GSTCD: variants seen among roughly 807,000 people sequenced by gnomAD.
GSTCD encodes the protein glutathione S-transferase C-terminal domain containing.
A neutral mutation model predicts 68.3 loss-of-function variants in GSTCD; 44 were observed. The ratio of observed to expected loss-of-function variants is 0.64; its 90% CI spans 0.51 to 0.83. The LOEUF is 0.83. Ranked by LOEUF, GSTCD falls within the 40% of genes least tolerant of loss-of-function variation. The pLI is 0.00. For synonymous variants in GSTCD, 273 were observed against 255.2 expected, an observed-to-expected ratio of 1.07 and a Z score of -0.67; for missense variants, 739 against 735.9, an observed-to-expected ratio of 1.00 and a Z score of -0.05.
At position 105,839,735 on chromosome 4, in the gene GSTCD, CTA is replaced by C. The variant is rs957562183; in HGVS notation, c.1695+1847_1695+1848del. Among the ~76,000 whole-genome samples, 8 of 152,248 alleles carry C rather than the reference CTA, an allele frequency of 5.3e-5. No homozygotes were observed. The South Asian group carries it at 1.7e-3, about 32-fold the overall frequency. On this transcript the variant is annotated intron_variant, in intron 10 of 11. Transcript: ENST00000515279. Reference sequence around the variant, plus strand: ...AAAAAAGAACTTGGGAAAACAAAAACTAGACCCCTGTTTCTAATCCCTCCTTT... The same window carrying C: ...AAAAAAGAACTTGGGAAAACAAAAACGACCCCTGTTTCTAATCCCTCCTTT...
chr4:105,835,505 A>C lies in GSTCD; in HGVS notation c.1664+911A>C, dbSNP rs146038290. 3.4e-3 allele frequency among the ~76,000 whole-genome samples: 517 copies of C among 152,234 alleles called. 8 individuals carry two copies. The highest frequency in any genetic ancestry group is 0.012 in the African/African-American group (494 of 41,546). On this transcript the variant is annotated intron_variant, in intron 9 of 11. Coordinates refer to ENST00000515279, the MANE Select transcript of GSTCD (RefSeq NM_001370181.1). ...ACTGCAAGCAGCTTCCACTGTGAGC[A>C]CTAGGGAACACAGTGGCAACCAGAA...
chr4:105,742,850 G>A (rs1351611487), intron 5 of GSTCD, among the ~76,000 whole-genome samples: 2 of 151,732 alleles, frequency 1.3e-5, no homozygotes, highest in Non-Finnish European at 2.9e-5. Context: ...AATTAGCTAG[G>A]ACTACAGGTG....
chr4:105,786,554 C>T (rs1211984793), intron 5 of GSTCD, among the ~76,000 whole-genome samples: 1 of 147,808 alleles, frequency 6.8e-6, no homozygotes, highest in Non-Finnish European at 1.5e-5. Context: ...AAAAAGACCA[C>T]AATCCACATA....
chr4:105,743,231 T>C (rs1733694192), intron 5 of GSTCD, among the ~76,000 whole-genome samples: 1 of 152,132 alleles, frequency 6.6e-6, no homozygotes, highest in Non-Finnish European at 1.5e-5. Flanking sequence ...ATTACAGGCA[T>C]GACCCACCGC....
At chr4:105,823,436 A>C (rs1723414402) in intron 7 of GSTCD, 161 bp downstream of exon 7, 2 of 502,874 alleles carry the variant, frequency 4.0e-6, no homozygotes, top group South Asian at 3.8e-5. Flanking sequence ...AAGACTCAGA[A>C]TCTTAAGGAA....
intron 11 of GSTCD, among the ~76,000 whole-genome samples, chr4:105,842,858 G>C (rs1724411480): frequency 1.3e-5 from 2 of 152,140 alleles, no homozygotes; most frequent in Admixed American, 6.5e-5. Flanking sequence ...AGATGATGGA[G>C]CTATACTATG....
intron 5 of GSTCD, among the ~76,000 whole-genome samples, chr4:105,752,205 G>A (rs1266539053): frequency 6.6e-6 from 1 of 152,050 alleles, no homozygotes; most frequent in Non-Finnish European, 1.5e-5. Flanking sequence ...AAAATACAAT[G>A]CCTTTTTTAA....
intron 5 of GSTCD, among the ~76,000 whole-genome samples, chr4:105,780,883 A>G (rs749226925): frequency 1.1e-4 from 16 of 152,176 alleles, no homozygotes; most frequent in Non-Finnish European, 1.9e-4. Context: ...TCAAGATATT[A>G]TTATGTTGCT....
chr4:105,734,689 C>A (rs184546176), intron 5 of GSTCD, among the ~76,000 whole-genome samples: 1 of 152,252 alleles, frequency 6.6e-6, no homozygotes, highest in Non-Finnish European at 1.5e-5. Context: ...TCGTCAAAGT[C>A]ATTCTCTGTC....
At chr4:105,836,451 G>T (rs573035402) in intron 9 of GSTCD, among the ~76,000 whole-genome samples, 1 of 152,182 alleles carries the variant, frequency 6.6e-6, no homozygotes, top group Non-Finnish European at 1.5e-5. Context: ...CCAGGGACCT[G>T]CCCCTTTCTA....
At chr4:105,768,860 A>G (rs1319444693) in intron 5 of GSTCD, among the ~76,000 whole-genome samples, 1 of 151,638 alleles carries the variant, frequency 6.6e-6, no homozygotes, top group Non-Finnish European at 1.5e-5. Context: ...TAAAACAAGT[A>G]TGGAACAAAA....
intron 5 of GSTCD, among the ~76,000 whole-genome samples, chr4:105,737,993 C>G (rs907398349): frequency 3.3e-5 from 5 of 151,992 alleles, no homozygotes; most frequent in African/African-American, 1.2e-4. Flanking sequence ...CTCCTCTACT[C>G]TCTCTCTCTT....
chr4:105,802,463 T>A (rs1353599462), intron 5 of GSTCD, among the ~76,000 whole-genome samples: 1 of 152,134 alleles, frequency 6.6e-6, no homozygotes, highest in Non-Finnish European at 1.5e-5. Flanking sequence ...CTAAAGGCAG[T>A]AGAATCTTTT....
At chr4:105,763,374 A>G (rs1052416047) in intron 5 of GSTCD, among the ~76,000 whole-genome samples, 1 of 152,172 alleles carries the variant, frequency 6.6e-6, no homozygotes, top group Non-Finnish European at 1.5e-5. Context: ...TGTGGAAAAC[A>G]TTATCTTAAT....
chr4:105,712,019 GA>G (rs1732553096), intron 1 of GSTCD, among the ~76,000 whole-genome samples: 1 of 152,060 alleles, frequency 6.6e-6, no homozygotes, highest in Non-Finnish European at 1.5e-5. Context: ...TATTAATTTG[GA>G]AAAGAAAGAA....
At chr4:105,812,778 GAAAT>G (rs1288146390) in intron 5 of GSTCD, among the ~76,000 whole-genome samples, 1 of 151,856 alleles carries the variant, frequency 6.6e-6, no homozygotes, top group African/African-American at 2.4e-5. Flanking sequence ...ATTTTAGATT[GAAAT>G]AAATATATTA....
chr4:105,709,268 T>C (rs1014297947), intron 1 of GSTCD: 1 of 152,312 alleles, frequency 6.6e-6, no homozygotes, highest in African/African-American at 2.4e-5. Flanking sequence ...CCCTAGCCAG[T>C]CCCTCATGTC....
chr4:105,743,584 G>A (rs1034883757), intron 5 of GSTCD, among the ~76,000 whole-genome samples: 10 of 150,042 alleles, frequency 6.7e-5, no homozygotes, highest in Admixed American at 4.6e-4. Context: ...TGGACTGTTT[G>A]GGAGTAAGTT....
At chr4:105,745,138 C>A (rs1211564254) in intron 5 of GSTCD, among the ~76,000 whole-genome samples, 1 of 152,122 alleles carries the variant, frequency 6.6e-6, no homozygotes, top group Non-Finnish European at 1.5e-5. Context: ...ATCATTATTG[C>A]ATTTGCTCAT....
Sources: gnomAD v4.1 joint callset for allele counts (sites outside exome capture counted in the v4.1 genomes callset) on GRCh38, gnomAD v4.1.1 for gene constraint, MANE v1.5 for transcripts, NCBI Gene and HGNC (gene_info 2026-07-23, HGNC 2026-07-21) for gene names.